The following WWOX variants were observed in gnomAD, a reference collection of about 807,000 sequenced individuals.
The protein encoded by WWOX is WW domain containing oxidoreductase, also known as WW domain-containing oxidoreductase.
In WWOX, 69 loss-of-function variants were observed where a neutral mutation model predicts 46.2. That is an observed-to-expected ratio of 1.49 (90% CI 1.23 to 1.82). WWOX has a LOEUF of 1.82. Among genes scored for constraint, WWOX ranks in the 40% most tolerant of loss-of-function variants. The pLI is 0.00. For missense variants in WWOX, 919 were observed against 542.6 expected (o/e 1.69, Z -6.89); for synonymous variants, 359 against 202.6 (o/e 1.77, Z -6.56).
intron 8 of WWOX, among the ~76,000 whole-genome samples, chr16:78,647,381 G>A (rs997160504): frequency 6.6e-6 from 1 of 152,138 alleles, no homozygotes; most frequent in African/African-American, 2.4e-5. Flanking sequence ...ACTGGCTGCT[G>A]GTTCTCATTG....
chr16:78,643,602 C>T (rs1430689299), intron 8 of WWOX, among the ~76,000 whole-genome samples: 2 of 152,134 alleles, frequency 1.3e-5, no homozygotes, highest in South Asian at 2.1e-4. Flanking sequence ...TAATCAGCCA[C>T]GCGCTGAATC....
chr16:78,166,526 C>A (rs993413132), intron 5 of WWOX, among the ~76,000 whole-genome samples: 5 of 151,940 alleles, frequency 3.3e-5, no homozygotes, highest in Non-Finnish European at 7.4e-5. Context: ...GTAACAGTTC[C>A]CGAGTCATTT....
At chr16:78,587,481 G>C (rs946484644) in intron 8 of WWOX, among the ~76,000 whole-genome samples, 3 of 152,018 alleles carry the variant, frequency 2.0e-5, no homozygotes, top group South Asian at 4.2e-4. Context: ...TTCCAAACGT[G>C]CATGAATCTT....
chr16:78,386,630 C>T (rs1248642916), intron 5 of WWOX, among the ~76,000 whole-genome samples: 6 of 139,944 alleles, frequency 4.3e-5, no homozygotes, highest in African/African-American at 5.2e-5. Flanking sequence ...CCCACCCCCC[C>T]GCCCCACCCC....
At chr16:78,979,586 C>T (rs979962119) in intron 8 of WWOX, among the ~76,000 whole-genome samples, 6 of 152,090 alleles carry the variant, frequency 3.9e-5, no homozygotes, top group Non-Finnish European at 8.8e-5. Flanking sequence ...AGGTTCCACC[C>T]AGAGAGGAGA....
chr16:78,792,691 A>G (rs545790767), intron 8 of WWOX, among the ~76,000 whole-genome samples: 1 of 152,312 alleles, frequency 6.6e-6, no homozygotes, highest in South Asian at 2.1e-4. Flanking sequence ...GATAGAGCTT[A>G]CTATACAAGT....
At chr16:79,119,247 G>A (rs994629262) in intron 8 of WWOX, among the ~76,000 whole-genome samples, 1 of 152,134 alleles carries the variant, frequency 6.6e-6, no homozygotes, top group East Asian at 1.9e-4. Flanking sequence ...GTTATTGTTG[G>A]GTTGAAAGAA....
chr16:78,207,917 ATCC>A (rs1245298293), intron 5 of WWOX, among the ~76,000 whole-genome samples: 1 of 152,060 alleles, frequency 6.6e-6, no homozygotes, highest in Non-Finnish European at 1.5e-5. Context: ...GGCTCAAGCA[ATCC>A]TCCTAGCTCA....
intron 8 of WWOX, among the ~76,000 whole-genome samples, chr16:78,441,785 G>C (rs1471563493): frequency 1.3e-5 from 2 of 152,082 alleles, no homozygotes; most frequent in Non-Finnish European, 2.9e-5. Flanking sequence ...TGTGCTAGAT[G>C]CTTAAGAAAT....
At chr16:78,359,930 A>C (rs1294052305) in intron 5 of WWOX, among the ~76,000 whole-genome samples, 1 of 152,216 alleles carries the variant, frequency 6.6e-6, no homozygotes, top group Non-Finnish European at 1.5e-5. Context: ...TGTGGAGGGA[A>C]CAACACTCAT....
In WWOX at chr16:78,869,682, C is replaced by A. The variant is rs1186918344; in HGVS notation, c.1057-341926C>A. 2.6e-5 allele frequency among the ~76,000 whole-genome samples: 4 copies of A among 152,200 alleles called. 1 individual carries two copies. Among genetic ancestry groups the A allele is most frequent in the Non-Finnish European group, 1.5e-5 (1 of 68,042 alleles). On this transcript the variant is annotated intron_variant, in intron 8 of 8. Transcript: ENST00000566780. ...GACGTGGGGAGTGGTGGCCTACTTA[C>A]AGTGCATCGCCCACTCTGATTTAGA... is the stretch of plus-strand genomic sequence containing the variant.
At chr16:78,718,109 A>G (rs1012186922) in intron 8 of WWOX, among the ~76,000 whole-genome samples, 2 of 53,740 alleles carry the variant, frequency 3.7e-5, no homozygotes, top group African/African-American at 2.4e-4. Context: ...TTTTGCCTCA[A>G]CGGTTATTTA....
chr16:79,144,785 A>G (rs542026368), intron 8 of WWOX, among the ~76,000 whole-genome samples: 1 of 152,330 alleles, frequency 6.6e-6, no homozygotes, highest in African/African-American at 2.4e-5. Context: ...GTACAAATAT[A>G]TTACTTACAA....
chr16:79,098,223 A>G (rs1419916156), intron 8 of WWOX, among the ~76,000 whole-genome samples: 1 of 152,166 alleles, frequency 6.6e-6, no homozygotes, highest in Non-Finnish European at 1.5e-5. Context: ...TTGATTGCAG[A>G]TTGAATCCAG....
At chr16:78,774,229 TG>T (rs1460681406) in intron 8 of WWOX, among the ~76,000 whole-genome samples, 1 of 152,118 alleles carries the variant, frequency 6.6e-6, no homozygotes, top group Non-Finnish European at 1.5e-5. Context: ...GGTGAAACCC[TG>T]TCTCTACTCA....
chr16:79,029,222 C>G (rs534216422), intron 8 of WWOX, among the ~76,000 whole-genome samples: 1 of 152,144 alleles, frequency 6.6e-6, no homozygotes, highest in African/African-American at 2.4e-5. Flanking sequence ...TGCCCCACCC[C>G]GTCACGGCTG....
chr16:79,027,279 CAAAA>C (rs57848394), intron 8 of WWOX, among the ~76,000 whole-genome samples: 2 of 125,526 alleles, frequency 1.6e-5, no homozygotes. Context: ...GACTCCATCT[CAAAA>C]AAAAAAAAAA....
At chr16:78,549,471 A>G (rs1011266255) in intron 8 of WWOX, among the ~76,000 whole-genome samples, 5 of 152,254 alleles carry the variant, frequency 3.3e-5, no homozygotes, top group East Asian at 3.9e-4. Context: ...CAGTCATGAT[A>G]TGCGGTTCAG....
intron 8 of WWOX, among the ~76,000 whole-genome samples, chr16:78,533,083 C>T (rs28572038): frequency 0.014 from 2,163 of 152,188 alleles, 23 homozygotes; most frequent in African/African-American, 0.027. Flanking sequence ...AGTATCCTAG[C>T]CTCAGTTCCT....
Sources: gnomAD v4.1 joint callset for allele counts (sites outside exome capture counted in the v4.1 genomes callset) on GRCh38, gnomAD v4.1.1 for gene constraint, MANE v1.5 for transcripts, NCBI Gene and HGNC (gene_info 2026-07-23, HGNC 2026-07-21) for gene names.